Variants in JAK2 observed in about 807,000 individuals in gnomAD.
The protein encoded by JAK2 is tyrosine-protein kinase JAK2.
Under a neutral mutation model 139.3 loss-of-function variants are expected in JAK2, and 86 were observed. The ratio of observed to expected loss-of-function variants is 0.62; its 90% CI spans 0.52 to 0.74. The LOEUF (loss-of-function observed/expected upper bound fraction) is 0.74, where lower values mean the gene tolerates loss of function less well. Ranked by LOEUF, JAK2 falls within the 30% of genes least tolerant of loss-of-function variation. The probability of loss-of-function intolerance (pLI) is 0.00; values close to 1 mark genes in which losing one functional copy is unlikely to be tolerated. For missense variants in JAK2, 1,421 were observed against 1,360.3 expected (o/e 1.04, Z -0.70); for synonymous variants, 490 against 437.7 (o/e 1.12, Z -1.49).
chr9:5,018,791 T>C (rs1490535889), intron 2 of JAK2, among the ~76,000 whole-genome samples: 2 of 152,270 alleles, frequency 1.3e-5, no homozygotes, highest in African/African-American at 4.8e-5. Context: ...TATAGTATCC[T>C]TGACTTGCAG....
chr9:5,095,499 T>A (rs928017060), intron 22 of JAK2, among the ~76,000 whole-genome samples: 3 of 151,996 alleles, frequency 2.0e-5, no homozygotes, highest in African/African-American at 4.8e-5. Context: ...ACACTACTAA[T>A]CAATTTTCAT....
At chr9:5,107,203 G>C (rs1234292949) in intron 22 of JAK2, among the ~76,000 whole-genome samples, 1 of 151,920 alleles carries the variant, frequency 6.6e-6, no homozygotes, top group Non-Finnish European at 1.5e-5. Context: ...AACTAGTTTC[G>C]ATAATATCTG....
intron 2 of JAK2, among the ~76,000 whole-genome samples, chr9:5,007,770 A>G (rs1025585398): frequency 5.3e-5 from 8 of 151,674 alleles, no homozygotes; most frequent in Non-Finnish European, 1.2e-4. Flanking sequence ...CCCAGGCTGA[A>G]CTGCAGTGGT....
chr9:5,015,152 A>G (rs944647336), intron 2 of JAK2, among the ~76,000 whole-genome samples: 3 of 152,206 alleles, frequency 2.0e-5, no homozygotes, highest in East Asian at 1.9e-4. Context: ...TGTAGTATAA[A>G]TGCACAAAAG....
chr9:4,990,911 T>A (rs1157571038), intron 2 of JAK2, among the ~76,000 whole-genome samples: 1 of 152,142 alleles, frequency 6.6e-6, no homozygotes, highest in Non-Finnish European at 1.5e-5. Flanking sequence ...AGGATGAGAA[T>A]TTTAGGCATA....
In JAK2 at chr9:5,080,197, T is replaced by C. The variant is rs770713696; in HGVS notation, c.2132-32T>C. ...AAAAGATTGGTTTACTTGTGAATTA[T>C]TTAACCCTACTCTGTTCGTATCATT... On this transcript the variant is annotated intron_variant, in intron 16 of 24. Transcript: ENST00000381652. The C allele has an allele frequency of 1.4e-5, 21 of 1,517,612 alleles. No individual in the cohort carries two copies. In the South Asian group the frequency reaches 2.2e-4, roughly 16 times the overall value. The allele number at this position is 1,517,612 out of a possible 1,614,324, so 94.0% of individuals were successfully genotyped here.
chr9:5,075,082 C>T (rs916299281), intron 14 of JAK2, among the ~76,000 whole-genome samples: 2 of 151,938 alleles, frequency 1.3e-5, no homozygotes, highest in African/African-American at 2.4e-5. Context: ...GATCTTAATG[C>T]TCTTAAATTC....
chr9:5,032,888 C>T (rs991128291), intron 4 of JAK2, among the ~76,000 whole-genome samples: 4 of 152,126 alleles, frequency 2.6e-5, no homozygotes, highest in Non-Finnish European at 4.4e-5. Context: ...GGAACAAAGC[C>T]GGATGGAGAA....
chr9:5,128,562 T>C lies in JAK2; in HGVS notation c.*1771T>C, dbSNP rs543611866. Among the ~76,000 whole-genome samples the C allele has an allele frequency of 6.6e-4, 100 of 152,044 alleles. No homozygotes were observed. The highest frequency in any genetic ancestry group is 3.4e-3 in the Middle Eastern group (1 of 292). ...AAAGTAGGTTCTTATCAAGGGTCTC[T>C]AACATTGCTTTTTAAAACAAGATGT... On this transcript the variant is annotated 3_prime_UTR_variant, in exon 25 of 25. Coordinates refer to ENST00000381652, the MANE Select transcript of JAK2 (RefSeq NM_004972.4).
intron 4 of JAK2, chr9:5,040,877 C>G: frequency 4.0e-6 from 1 of 251,554 alleles, no homozygotes; most frequent in Non-Finnish European, 7.8e-6. Flanking sequence ...AGCGCGGATC[C>G]GCGCCGCGCT....
intron 22 of JAK2, chr9:5,091,704 A>G (rs1306785890): frequency 6.6e-6 from 1 of 152,190 alleles, no homozygotes; most frequent in Non-Finnish European, 1.5e-5. Context: ...AGACTTTTCT[A>G]GTCAAACTGG....
intron 2 of JAK2, among the ~76,000 whole-genome samples, chr9:5,015,938 A>G (rs532288405): frequency 6.6e-4 from 101 of 152,332 alleles, no homozygotes; most frequent in African/African-American, 2.3e-3. Flanking sequence ...CAAGCTGTAC[A>G]TATATATAGA....
intron 3 of JAK2, among the ~76,000 whole-genome samples, chr9:5,028,563 A>C (rs893467785): frequency 1.3e-5 from 2 of 152,224 alleles, no homozygotes; most frequent in Admixed American, 6.5e-5. Context: ...ACTTCTTTCT[A>C]GCTATGAAAC....
intron 3 of JAK2, among the ~76,000 whole-genome samples, chr9:5,022,548 A>C (rs1263727275): frequency 6.6e-6 from 1 of 152,242 alleles, no homozygotes; most frequent in African/African-American, 2.4e-5. Flanking sequence ...ATGAAAGCAA[A>C]AAATTAATGT....
At chr9:5,034,228 C>T (rs910731388) in intron 4 of JAK2, among the ~76,000 whole-genome samples, 2 of 152,140 alleles carry the variant, frequency 1.3e-5, no homozygotes, top group African/African-American at 4.8e-5. Flanking sequence ...CAGGAGCACC[C>T]AGATTCATAA....
intron 4 of JAK2, chr9:5,040,817 G>C (rs62541541): frequency 0.23 from 46,062 of 204,178 alleles, 5,638 homozygotes; most frequent in Admixed American, 0.27. Context: ...GAGCTGGAGC[G>C]GGGCCCGAGT....
In JAK2 at chr9:5,126,412, GAAGATTACC is replaced by G; in HGVS notation, c.3262_3270del (p.Leu1088_Arg1090del). On this transcript the variant is annotated inframe_deletion, in exon 24 of 25. Transcript: ENST00000381652. ...TTGATAGAACTTTTGAAGAATAATGGAAGATTACCAAGACCAGATGGATGCCCAGATGAG... is the reference window on the plus strand; with the variant it reads ...TTGATAGAACTTTTGAAGAATAATGGAAGACCAGATGGATGCCCAGATGAG... The G allele has an allele frequency of 6.2e-7, 1 of 1,610,554 alleles. No individual in the cohort carries two copies. Among genetic ancestry groups the G allele is most frequent in the South Asian group, 1.1e-5 (1 of 90,846 alleles).
In JAK2 at chr9:5,033,606, A is replaced by C. The variant is rs10974924; in HGVS notation, c.350+3700A>C. ...ATATTCAACATTCTTAAAGAAAAGAATTTTCAACCCAGAATGTCATATCCA... is the reference window on the plus strand; with the variant it reads ...ATATTCAACATTCTTAAAGAAAAGACTTTTCAACCCAGAATGTCATATCCA... On this transcript the variant is annotated intron_variant, in intron 4 of 24. Transcript: ENST00000381652. 1.6e-3 allele frequency among the ~76,000 whole-genome samples: 238 copies of C among 152,306 alleles called. 4 individuals carry two copies. In the East Asian group the frequency reaches 0.042, roughly 27 times the overall value.
chr9:5,057,580 CTTTTTTTTTTTT>C (rs541931562), intron 8 of JAK2, among the ~76,000 whole-genome samples: 1 of 116,800 alleles, frequency 8.6e-6, no homozygotes, highest in Non-Finnish European at 1.7e-5. Flanking sequence ...ATTCTACTTT[CTTTTTTTTTTTT>C]TTTTTTTTTG....
Sources: allele counts gnomAD v4.1 joint callset (sites outside exome capture counted in the v4.1 genomes callset), GRCh38; gene constraint gnomAD v4.1.1; transcripts MANE v1.5; gene names NCBI Gene and HGNC (gene_info 2026-07-23, HGNC 2026-07-21).